The following DLG2 variants were observed in gnomAD, a reference collection of about 807,000 sequenced individuals.
DLG2 encodes the protein disks large homolog 2.
In DLG2, 45 loss-of-function variants were observed where a neutral mutation model predicts 132.5. The observed-to-expected ratio is 0.34, with a 90% CI of 0.27 to 0.44. The LOEUF is 0.44. Among genes scored for constraint, DLG2 ranks in the 20% least tolerant of loss-of-function variants. The pLI is 1.00. For missense variants in DLG2, 1,045 were observed against 1,196.9 expected (o/e 0.87, Z 1.87); for synonymous variants, 424 against 419.6 (o/e 1.01, Z -0.13).
At position 83,965,188 on chromosome 11, in the gene DLG2, T is replaced by A. The variant is rs978242979; in HGVS notation, c.1201+136A>T. 4.2e-6 allele frequency: 4 copies of A among 956,172 alleles called. No individual in the cohort carries two copies. In the African/African-American group the frequency reaches 6.8e-5, roughly 16 times the overall value. 59.2% of individuals were successfully genotyped at this position (956,172 alleles called of 1,614,324 possible). On this transcript the variant is annotated intron_variant, in intron 13 of 27. Coordinates refer to ENST00000376104, the MANE Select transcript of DLG2 (RefSeq NM_001142699.3). ...CCTGCAAGGCAACATAGGAGTGGAG[T>A]TTAGGATACTCCCTCTGAAGTATTT...
intron 6 of DLG2, among the ~76,000 whole-genome samples, chr11:84,554,060 A>G (rs1011680446): frequency 2.0e-5 from 3 of 152,202 alleles, no homozygotes; most frequent in Non-Finnish European, 2.9e-5. Flanking sequence ...ATTGAATTCA[A>G]TTCAAATTCT....
chr11:85,187,567 T>C (rs1325300583), intron 4 of DLG2, among the ~76,000 whole-genome samples: 4 of 152,058 alleles, frequency 2.6e-5, no homozygotes, highest in Admixed American at 2.6e-4. Context: ...CTCTGGGAAA[T>C]GACCAAAAGT....
chr11:84,180,453 A>C (rs2096086053), intron 8 of DLG2, among the ~76,000 whole-genome samples: 1 of 152,148 alleles, frequency 6.6e-6, no homozygotes, highest in South Asian at 2.1e-4. Flanking sequence ...AAGAAACAGA[A>C]GCAATATTTG....
intron 22 of DLG2, among the ~76,000 whole-genome samples, chr11:83,478,028 A>G (rs1006805069): frequency 3.3e-5 from 5 of 151,808 alleles, no homozygotes; most frequent in Admixed American, 6.6e-5. Flanking sequence ...ACATCAATCT[A>G]TCTTAGTACC....
intron 6 of DLG2, among the ~76,000 whole-genome samples, chr11:84,988,382 G>T (rs992106014): frequency 2.0e-5 from 3 of 152,156 alleles, no homozygotes; most frequent in African/African-American, 7.2e-5. Flanking sequence ...CAGAGGAAAA[G>T]AAGTCGTTAT....
At chr11:83,581,824 C>T (rs2096981630) in intron 19 of DLG2, among the ~76,000 whole-genome samples, 1 of 152,054 alleles carries the variant, frequency 6.6e-6, no homozygotes, top group African/African-American at 2.4e-5. Flanking sequence ...AGCATGGAAC[C>T]ACATAAAAAT....
At chr11:83,701,230 T>G (rs1307158107) in intron 18 of DLG2, among the ~76,000 whole-genome samples, 1 of 152,130 alleles carries the variant, frequency 6.6e-6, no homozygotes, top group African/African-American at 2.4e-5. Context: ...CACTCATTAG[T>G]TGAGTAACTT....
At chr11:84,896,945 C>T (rs1182361263) in intron 6 of DLG2, among the ~76,000 whole-genome samples, 3 of 151,120 alleles carry the variant, frequency 2.0e-5, no homozygotes, top group South Asian at 2.1e-4. Flanking sequence ...TGAGCATATC[C>T]CCTGTGGCTA....
At chr11:84,219,751 C>G (rs565942811) in intron 8 of DLG2, among the ~76,000 whole-genome samples, 22 of 152,312 alleles carry the variant, frequency 1.4e-4, no homozygotes, top group Non-Finnish European at 2.8e-4. Context: ...AATACTCAGA[C>G]TTATGGCCAT....
chr11:84,975,649 GTTA>G (rs78687559), intron 6 of DLG2, among the ~76,000 whole-genome samples: 22,729 of 152,034 alleles, frequency 0.15, 1,819 homozygotes, highest in South Asian at 0.28. Context: ...GAATTTTTTT[GTTA>G]TTCATCAACA....
rs191439488 is a variant in DLG2, at chr11:83,992,528, G to A, written c.920-11886C>T. 2.2e-4 allele frequency among the ~76,000 whole-genome samples: 33 copies of A among 152,252 alleles called. No individual in the cohort carries two copies. In the East Asian group the frequency reaches 4.6e-3, roughly 21 times the overall value. ...AATATATACTCAAAGACCCAGCATT[G>A]AGAGATAACATGGCTTAGTTGAGAA... On this transcript the variant is annotated intron_variant, in intron 11 of 27. Transcript: ENST00000376104.
At chr11:84,976,701 A>G (rs1404178135) in intron 6 of DLG2, among the ~76,000 whole-genome samples, 1 of 152,126 alleles carries the variant, frequency 6.6e-6, no homozygotes, top group Non-Finnish European at 1.5e-5. Flanking sequence ...CCAGCTGACA[A>G]ATTTATTGAG....
chr11:85,148,389 G>C (rs1054995787), intron 5 of DLG2, among the ~76,000 whole-genome samples: 1 of 151,980 alleles, frequency 6.6e-6, no homozygotes, highest in African/African-American at 2.4e-5. Context: ...AAGCATTCCT[G>C]TTTCTCCACA....
intron 4 of DLG2, among the ~76,000 whole-genome samples, chr11:85,193,321 G>A (rs963061794): frequency 2.6e-5 from 4 of 152,114 alleles, no homozygotes; most frequent in African/African-American, 9.7e-5. Flanking sequence ...ATCAGTTAAT[G>A]AGCACGAGGG....
intron 19 of DLG2, among the ~76,000 whole-genome samples, chr11:83,619,807 A>G (rs1049876602): frequency 6.6e-6 from 1 of 152,086 alleles, no homozygotes; most frequent in Non-Finnish European, 1.5e-5. Flanking sequence ...CTCCCCACTC[A>G]TCTGGATTTA....
At chr11:85,429,669 C>T (rs147975341) in intron 3 of DLG2, among the ~76,000 whole-genome samples, 2,480 of 152,296 alleles carry the variant, frequency 0.016, 34 homozygotes, top group Middle Eastern at 0.037. Context: ...TACCATCTCA[C>T]GCCAGTTAGA....
At chr11:83,564,963 GT>G (rs1439942716) in intron 19 of DLG2, among the ~76,000 whole-genome samples, 1 of 151,876 alleles carries the variant, frequency 6.6e-6, no homozygotes, top group Non-Finnish European at 1.5e-5. Flanking sequence ...AATCCAAACA[GT>G]TTACATAACT....
At chr11:83,521,677 C>A (rs554258271) in intron 21 of DLG2, among the ~76,000 whole-genome samples, 33 of 152,216 alleles carry the variant, frequency 2.2e-4, no homozygotes, top group African/African-American at 7.5e-4. Context: ...TTGCACCATT[C>A]GCCTTTTACC....
At chr11:84,529,772 T>C (rs1235504080) in intron 7 of DLG2, among the ~76,000 whole-genome samples, 1 of 152,140 alleles carries the variant, frequency 6.6e-6, no homozygotes, top group Non-Finnish European at 1.5e-5. Flanking sequence ...ATGACATTCT[T>C]CAAAGAATTA....
Sources: gnomAD v4.1 joint callset for allele counts (sites outside exome capture counted in the v4.1 genomes callset) on GRCh38, gnomAD v4.1.1 for gene constraint, MANE v1.5 for transcripts, NCBI Gene and HGNC (gene_info 2026-07-23, HGNC 2026-07-21) for gene names.